The following FGGY variants were observed in gnomAD, a reference collection of about 807,000 sequenced individuals.
FGGY encodes FGGY carbohydrate kinase domain-containing protein.
Under a neutral mutation model 71.3 loss-of-function variants are expected in FGGY, and 72 were observed. The observed-to-expected ratio is 1.01, with a 90% CI of 0.84 to 1.23. The LOEUF (loss-of-function observed/expected upper bound fraction) is 1.23, where lower values mean the gene tolerates loss of function less well. Among genes scored for constraint, FGGY ranks in the 50% most tolerant of loss-of-function variants. The pLI is 0.00. For synonymous variants in FGGY, 251 were observed against 250.3 expected (o/e 1.00, Z -0.02); for missense variants, 668 against 682.3 (o/e 0.98, Z 0.23).
At chr1:59,396,664 T>C (rs371327313) in intron 5 of FGGY, among the ~76,000 whole-genome samples, 1 of 152,314 alleles carries the variant, frequency 6.6e-6, no homozygotes, top group South Asian at 2.1e-4. Context: ...GACTTCAAAC[T>C]GGACTTGGAA....
chr1:59,417,118 T>C lies in FGGY; in HGVS notation c.554+38281T>C, dbSNP rs150235639. On this transcript the variant is annotated intron_variant, in intron 5 of 15. Transcript: ENST00000303721. Reference sequence around the variant, plus strand: ...ATCTCATATCCGTAGCAGTAAGTCCTCATATCCCTCTACACCTAGCCATTG... The same window carrying C: ...ATCTCATATCCGTAGCAGTAAGTCCCCATATCCCTCTACACCTAGCCATTG... 2.6e-5 allele frequency among the ~76,000 whole-genome samples: 4 copies of C among 152,330 alleles called. No homozygotes were observed. In the East Asian group the frequency reaches 7.7e-4, roughly 29 times the overall value.
chr1:59,700,361 C>G (rs1263127017), intron 14 of FGGY, among the ~76,000 whole-genome samples: 3 of 152,170 alleles, frequency 2.0e-5, no homozygotes, highest in Admixed American at 2.0e-4. Flanking sequence ...AAGCACTGTT[C>G]TAACCACTTT....
chr1:59,497,918 T>TC (rs2094097891), intron 6 of FGGY, among the ~76,000 whole-genome samples: 1 of 151,682 alleles, frequency 6.6e-6, no homozygotes, highest in African/African-American at 2.4e-5. Flanking sequence ...CAGGCCCTTT[T>TC]TTGCACCTGA....
intron 5 of FGGY, among the ~76,000 whole-genome samples, chr1:59,440,675 T>C (rs996075183): frequency 2.0e-5 from 3 of 146,630 alleles, no homozygotes; most frequent in African/African-American, 7.6e-5. Context: ...TGCAGTGTAG[T>C]ATGGGAGAGA....
chr1:59,404,778 G>T (rs1185115430), intron 5 of FGGY, among the ~76,000 whole-genome samples: 2 of 152,122 alleles, frequency 1.3e-5, no homozygotes, highest in Non-Finnish European at 2.9e-5. Flanking sequence ...GATGAGGAGG[G>T]TGAGAACCTA....
rs573683235 is a variant in FGGY, at chr1:59,397,885, A to G, written c.554+19048A>G. 2.6e-5 allele frequency among the ~76,000 whole-genome samples: 4 copies of G among 152,336 alleles called. No homozygotes were observed. In the South Asian group the frequency reaches 8.3e-4, roughly 32 times the overall value. On this transcript the variant is annotated intron_variant, in intron 5 of 15. Transcript: ENST00000303721. ...CTCATTCCTATTTGACAACAGTCAT[A>G]TCCATTTTGCCAACTCTTTGACCTT...
intron 7 of FGGY, among the ~76,000 whole-genome samples, chr1:59,522,513 A>T (rs2094863599): frequency 6.6e-6 from 1 of 152,220 alleles, no homozygotes; most frequent in Middle Eastern, 3.2e-3. Context: ...GGCCAGGCTT[A>T]TTAGATCAGG....
intron 1 of FGGY, among the ~76,000 whole-genome samples, chr1:59,309,404 T>A (rs563358335): frequency 2.0e-5 from 3 of 152,292 alleles, no homozygotes; most frequent in African/African-American, 7.2e-5. Context: ...CTTTGAATAG[T>A]TTCTAGTAGT....
intron 7 of FGGY, among the ~76,000 whole-genome samples, chr1:59,538,938 A>G (rs184022647): frequency 6.6e-6 from 1 of 152,184 alleles, no homozygotes; most frequent in African/African-American, 2.4e-5. Context: ...TGGCACGTAT[A>G]TGCATATGTA....
intron 7 of FGGY, among the ~76,000 whole-genome samples, chr1:59,544,769 A>G (rs911240093): frequency 1.3e-5 from 2 of 152,234 alleles, no homozygotes; most frequent in African/African-American, 4.8e-5. Context: ...AGAAAGAATC[A>G]AATATACATC....
intron 14 of FGGY, among the ~76,000 whole-genome samples, chr1:59,709,412 G>A (rs371017680): frequency 2.0e-5 from 3 of 151,558 alleles, no homozygotes; most frequent in Non-Finnish European, 4.4e-5. Context: ...CCCTCAATAC[G>A]TGGGGATTAC....
At chr1:59,422,428 T>A (rs1015059785) in intron 5 of FGGY, among the ~76,000 whole-genome samples, 1 of 152,230 alleles carries the variant, frequency 6.6e-6, no homozygotes, top group South Asian at 2.1e-4. Flanking sequence ...GCGTGGTGAT[T>A]CACGCCAGTA....
intron 8 of FGGY, among the ~76,000 whole-genome samples, chr1:59,596,449 T>G (rs1294641939): frequency 6.6e-6 from 1 of 150,540 alleles, no homozygotes; most frequent in Non-Finnish European, 1.5e-5. Flanking sequence ...ATTTCAATCT[T>G]TTTTTTTTCT....
intron 7 of FGGY, among the ~76,000 whole-genome samples, chr1:59,546,520 G>GATTATTATTATT (rs1491427942): frequency 2.3e-4 from 19 of 82,940 alleles, no homozygotes; most frequent in African/African-American, 9.1e-4. Context: ...TGATGATGAT[G>GATTATTATTATT]ATGATGATGA....
At chr1:59,332,086 C>G (rs991509459) in intron 2 of FGGY, 1 of 152,204 alleles carries the variant, frequency 6.6e-6, no homozygotes, top group Non-Finnish European at 1.5e-5. Context: ...GAAACACCAT[C>G]TCCCCACCCA....
intron 3 of FGGY, among the ~76,000 whole-genome samples, chr1:59,344,888 G>C (rs1295514025): frequency 6.6e-6 from 1 of 152,166 alleles, no homozygotes; most frequent in East Asian, 1.9e-4. Flanking sequence ...TCACAGACAT[G>C]GAGGGCTGAC....
At chr1:59,473,961 G>A (rs2093130620) in intron 6 of FGGY, 1 of 152,218 alleles carries the variant, frequency 6.6e-6, no homozygotes, top group African/African-American at 2.4e-5. Context: ...AAGCTGGAAT[G>A]TGATATCAGA....
intron 14 of FGGY, among the ~76,000 whole-genome samples, chr1:59,683,328 T>C (rs2097519826): frequency 1.3e-5 from 2 of 152,200 alleles, no homozygotes; most frequent in Non-Finnish European, 2.9e-5. Flanking sequence ...CCCTCACTGT[T>C]TGTAGGCTAT....
chr1:59,362,217 G>A (rs141628840), intron 4 of FGGY, among the ~76,000 whole-genome samples: 68 of 150,956 alleles, frequency 4.5e-4, no homozygotes, highest in Admixed American at 1.8e-3. Context: ...AATTTTTCTT[G>A]TTTCATTTTC....
Sources: allele counts gnomAD v4.1 joint callset (sites outside exome capture counted in the v4.1 genomes callset), GRCh38; gene constraint gnomAD v4.1.1; transcripts MANE v1.5; gene names NCBI Gene and HGNC (gene_info 2026-07-23, HGNC 2026-07-21).